The following RPGRIP1L variants were observed in gnomAD, a reference collection of about 807,000 sequenced individuals.
RPGRIP1L encodes protein fantom.
A neutral mutation model predicts 160.4 loss-of-function variants in RPGRIP1L; 131 were observed. The observed-to-expected ratio is 0.82, with a 90% CI of 0.71 to 0.94. RPGRIP1L has a LOEUF of 0.94. Among genes scored for constraint, RPGRIP1L ranks in the 40% least tolerant of loss-of-function variants. RPGRIP1L has a pLI of 0.00. For synonymous variants in RPGRIP1L, 510 were observed against 515.8 expected (o/e 0.99, Z 0.15); for missense variants, 1,522 against 1,535.8 (o/e 0.99, Z 0.15).
rs1963293244 is a variant in RPGRIP1L at position 53,599,535 on chromosome 16, A to G, written c.*2541T>C. ...TTTGTATTTCCAAACTAAAAGCATTACAGCCCAAAAAAGTGCTGCGTGCAC... is the reference window on the plus strand; with the variant it reads ...TTTGTATTTCCAAACTAAAAGCATTGCAGCCCAAAAAAGTGCTGCGTGCAC... On this transcript the variant is annotated 3_prime_UTR_variant, in exon 27 of 27. Coordinates refer to ENST00000647211, the MANE Select transcript of RPGRIP1L (RefSeq NM_015272.5). 1 of 152,248 alleles carries G rather than the reference A, an allele frequency of 6.6e-6. No homozygotes were observed. Among genetic ancestry groups the G allele is most frequent in the Non-Finnish European group, 1.5e-5 (1 of 68,038 alleles). The allele number at this position is 152,248 out of a possible 1,614,324, so 9.4% of individuals were successfully genotyped here.
At chr16:53,697,786 C>G (rs1364679230) in intron 2 of RPGRIP1L, among the ~76,000 whole-genome samples, 3 of 151,932 alleles carry the variant, frequency 2.0e-5, no homozygotes, top group African/African-American at 7.3e-5. Flanking sequence ...GCCGCCACCC[C>G]GTCTAGGAAG....
chr16:53,645,933 A>C lies in RPGRIP1L; in HGVS notation c.2375T>G (p.Leu792Arg). 6.2e-7 allele frequency: 1 copy of C among 1,614,166 alleles called. No individual in the cohort carries two copies. Among genetic ancestry groups the C allele is most frequent in the African/African-American group, 1.3e-5 (1 of 75,056 alleles). ...GTTGCAACATCTTATTGTAATGTGA[A>C]GTTCATTTAAGTTGCCATCTGTGGA... ...TDSTDGNLNE[L>R]HITIRCCNHL... Residue 792 changes from leucine to arginine, a missense_variant, in exon 17 of 27, where the codon CTT becomes CGT. Transcript: ENST00000647211.
intron 20 of RPGRIP1L, among the ~76,000 whole-genome samples, 194 bp from the exon 21 acceptor site, chr16:53,638,048 A>T (rs546555847): frequency 1.3e-5 from 2 of 152,264 alleles, no homozygotes; most frequent in South Asian, 4.1e-4. Flanking sequence ...GGAAATCTGA[A>T]TATGTACTAA....
At chr16:53,678,473 T>C (rs898254728) in intron 6 of RPGRIP1L, among the ~76,000 whole-genome samples, 1 of 152,166 alleles carries the variant, frequency 6.6e-6, no homozygotes, top group East Asian at 1.9e-4. Flanking sequence ...TAATGTATAG[T>C]CTAATATGAA....
At chr16:53,623,448 G>C (rs564316951) in intron 22 of RPGRIP1L, among the ~76,000 whole-genome samples, 40 of 152,290 alleles carry the variant, frequency 2.6e-4, no homozygotes, top group African/African-American at 9.6e-4. Context: ...TATTGTAGCA[G>C]AATTCTCTTC....
chr16:53,685,818 T>C lies in RPGRIP1L; in HGVS notation c.776+615A>G, dbSNP rs529069646. Among the ~76,000 whole-genome samples, 13 of 152,286 alleles carry C rather than the reference T, an allele frequency of 8.5e-5. No individual in the cohort carries two copies. In the South Asian group the frequency reaches 2.7e-3, roughly 32 times the overall value. The stretch of plus-strand genomic sequence containing the variant: ...GCAGCAAACCACCATGGTACACATT[T>C]ATCTATGTAACAAACCTACACATCC... On this transcript the variant is annotated intron_variant, in intron 6 of 26. Transcript: ENST00000647211.
rs1313734657 is a variant in RPGRIP1L, at chr16:53,652,962, G to A, written c.1725C>T (p.Gly575=). ...LEAQLKDIAY[G]TKQYKFKPEI... ...CTGGTTTAAATTTGTACTGCTTGGT[G>A]CCATAGGCAATATCCTTTAATTGGG... The change falls in exon 15 of 27, where the codon GGC becomes GGT. Residue 575 remains glycine, a synonymous_variant. Coordinates refer to ENST00000647211, the MANE Select transcript of RPGRIP1L (RefSeq NM_015272.5). The A allele has an allele frequency of 6.2e-7, 1 of 1,613,324 alleles. No individual in the cohort carries two copies. The highest frequency in any genetic ancestry group is 1.3e-5 in the African/African-American group (1 of 74,920).
intron 14 of RPGRIP1L, 67 bp from the exon 15 acceptor site, chr16:53,653,054 T>G (rs920422226): frequency 2.4e-5 from 32 of 1,355,562 alleles, no homozygotes; most frequent in Non-Finnish European, 3.2e-5. Flanking sequence ...AACTGGCTTT[T>G]GAAGTGTAAG....
chr16:53,615,975 A>G (rs1964353758), intron 24 of RPGRIP1L, among the ~76,000 whole-genome samples: 1 of 152,192 alleles, frequency 6.6e-6, no homozygotes, highest in Non-Finnish European at 1.5e-5. Flanking sequence ...ATTATGAATA[A>G]TCTAGGGAAT....
chr16:53,649,355 A>T (rs1191181130), intron 15 of RPGRIP1L, among the ~76,000 whole-genome samples: 2 of 152,214 alleles, frequency 1.3e-5, no homozygotes, highest in Admixed American at 1.3e-4. Context: ...TATGTTTGAG[A>T]TATTCCAATT....
chr16:53,655,325 C>T (rs1022832374), intron 14 of RPGRIP1L, among the ~76,000 whole-genome samples: 1 of 152,038 alleles, frequency 6.6e-6, no homozygotes, highest in African/African-American at 2.4e-5. Context: ...ATTATTTTAA[C>T]AAATTAAAAA....
At position 53,696,217 on chromosome 16, in the gene RPGRIP1L, A is replaced by T; in HGVS notation, c.164T>A (p.Leu55Ter). The T allele has an allele frequency of 6.2e-7, 1 of 1,614,076 alleles. No homozygotes were observed. The highest frequency in any genetic ancestry group is 8.5e-7 in the Non-Finnish European group (1 of 1,179,978). ...VSREELEDRF[L>*]RLHDENILLK... The stretch of plus-strand genomic sequence containing the variant: ...TAAAATGTTCTCATCATGCAAACGC[A>T]AAAATCTGTCTTCCAGTTCCTCACG... The change falls in exon 3 of 27, where the codon TTG (leucine) becomes TAG (stop). Residue 55 changes from leucine (L) to a stop codon, truncating the protein, a stop_gained. Transcript: ENST00000647211. LOFTEE classifies it high-confidence loss of function.
At chr16:53,672,817 C>G (rs906286160) in intron 8 of RPGRIP1L, 53 bp downstream of exon 8, 23 of 1,528,992 alleles carry the variant, frequency 1.5e-5, no homozygotes, top group Non-Finnish European at 2.0e-5. Flanking sequence ...TTTTTCAAAA[C>G]AGTTACCAAG....
chr16:53,652,944 A>T lies in RPGRIP1L; in HGVS notation c.1743T>A (p.Phe581Leu), dbSNP rs1966909934. The part of the protein sequence containing the change: ...DIAYGTKQYK[F>L]KPEIMPDDSV... ...AGTCATCTGGCATGATTTCTGGTTT[A>T]AATTTGTACTGCTTGGTGCCATAGG... The change falls in exon 15 of 27, where the codon TTT (phenylalanine) becomes TTA (leucine). Residue 581 changes from phenylalanine to leucine, a missense_variant. By Grantham distance (22) the Phe-to-Leu change is conservative. Transcript: ENST00000647211. 6.2e-7 allele frequency: 1 copy of T among 1,613,954 alleles called. No individual in the cohort carries two copies. Among genetic ancestry groups the T allele is most frequent in the Non-Finnish European group, 8.5e-7 (1 of 1,179,954 alleles).
At chr16:53,643,326 A>G in intron 17 of RPGRIP1L, among the ~76,000 whole-genome samples, 1 of 149,866 alleles carries the variant, frequency 6.7e-6, no homozygotes, top group South Asian at 2.1e-4. Context: ...AAAAAAAAAG[A>G]AGTGGGCCTT....
chr16:53,623,387 A>G (rs1598256131), intron 22 of RPGRIP1L, among the ~76,000 whole-genome samples: 2 of 152,284 alleles, frequency 1.3e-5, no homozygotes, highest in East Asian at 1.9e-4. Context: ...TGACAGAGAG[A>G]GGTGAGGCAC....
intron 7 of RPGRIP1L, among the ~76,000 whole-genome samples, 160 bp downstream of exon 7, chr16:53,674,857 T>C (rs540414769): frequency 2.0e-5 from 3 of 152,218 alleles, no homozygotes; most frequent in African/African-American, 7.2e-5. Flanking sequence ...TAATAAACAA[T>C]ATATTAAGGG....
chr16:53,674,300 T>A (rs1422246926), intron 7 of RPGRIP1L, among the ~76,000 whole-genome samples: 1 of 152,176 alleles, frequency 6.6e-6, no homozygotes, highest in Non-Finnish European at 1.5e-5. Context: ...TCAAAGAAAG[T>A]GTTACTTCAC....
chr16:53,652,820 C>T lies in RPGRIP1L; in HGVS notation c.1867G>A (p.Ala623Thr). ...GTGACAGGCTCTTTATCTCCAGATG[C>T]CTGTAAAACTTCAGAAGAAAAGGTT... is the stretch of plus-strand genomic sequence containing the variant. ...KVTFSSEVLQ[A>T]SGDKEPVTFC... The change falls in exon 15 of 27, where the codon GCA (alanine) becomes ACA (threonine). Residue 623 changes from alanine to threonine, a missense_variant. Physicochemically the swap from Ala to Thr is moderately conservative, Grantham distance 58. Coordinates refer to ENST00000647211, the MANE Select transcript of RPGRIP1L (RefSeq NM_015272.5). 6.2e-7 allele frequency: 1 copy of T among 1,613,696 alleles called. No individual in the cohort carries two copies. Among genetic ancestry groups the T allele is most frequent in the East Asian group, 2.2e-5 (1 of 44,856 alleles).
Sources: allele counts gnomAD v4.1 joint callset (sites outside exome capture counted in the v4.1 genomes callset), GRCh38; gene constraint gnomAD v4.1.1; transcripts MANE v1.5; gene names NCBI Gene and HGNC (gene_info 2026-07-23, HGNC 2026-07-21).